HMCN2: variants seen among roughly 807,000 people sequenced by gnomAD.
The protein encoded by HMCN2 is hemicentin 2, also known as hemicentin-2.
Under a neutral mutation model 377.5 loss-of-function variants are expected in HMCN2, and 325 were observed. The observed-to-expected ratio is 0.86, with a 90% CI of 0.79 to 0.94. The LOEUF is 0.94. Among genes scored for constraint, HMCN2 ranks in the 40% least tolerant of loss-of-function variants. HMCN2 has a pLI of 0.00. For missense variants in HMCN2, 4,543 were observed against 4,725.3 expected (o/e 0.96, Z 1.13); for synonymous variants, 2,007 against 2,046.8 (o/e 0.98, Z 0.53).
At chr9:130,411,081 C>T (rs1042687001) in intron 85 of HMCN2, among the ~76,000 whole-genome samples, 7 of 152,198 alleles carry the variant, frequency 4.6e-5, no homozygotes, top group African/African-American at 1.7e-4. Context: ...TGAATTTTTA[C>T]AATGCGAACC....
intron 80 of HMCN2, among the ~76,000 whole-genome samples, chr9:130,404,612 T>C (rs931827529): frequency 1.3e-5 from 2 of 152,254 alleles, no homozygotes; most frequent in African/African-American, 4.8e-5. Context: ...TCTGTGTGTG[T>C]GCGTGTATAT....
At chr9:130,310,281 A>G (rs1386773767) in intron 15 of HMCN2, among the ~76,000 whole-genome samples, 1 of 152,240 alleles carries the variant, frequency 6.6e-6, no homozygotes, top group Non-Finnish European at 1.5e-5. Context: ...GGCTTAAACA[A>G]TAAGTATTTA....
chr9:130,329,438 A>ATT, intron 22 of HMCN2, among the ~76,000 whole-genome samples: 1 of 89,794 alleles, frequency 1.1e-5, no homozygotes, highest in Non-Finnish European at 2.4e-5. Flanking sequence ...GAATAGCCTC[A>ATT]CTTTTTTTTT....
intron 85 of HMCN2, among the ~76,000 whole-genome samples, chr9:130,412,564 TCTC>T (rs1843481083): frequency 2.1e-5 from 1 of 48,676 alleles, no homozygotes; most frequent in Non-Finnish European, 5.0e-5. Flanking sequence ...TTTCTTTCTT[TCTC>T]TTTTTTTTTT....
At chr9:130,322,065 A>C (rs1837881070) in intron 19 of HMCN2, 134 bp downstream of exon 19, 2 of 152,194 alleles carry the variant, frequency 1.3e-5, no homozygotes, top group East Asian at 3.9e-4. Flanking sequence ...TCTCTGTGGG[A>C]AAATTAGGGA....
chr9:130,407,186 G>T (rs1459413250), intron 82 of HMCN2: 1 of 164,154 alleles, frequency 6.1e-6, no homozygotes, highest in East Asian at 1.9e-4. Context: ...GGAGGTGGAG[G>T]TTGCAATGAG....
chr9:130,425,128 C>A lies in HMCN2; in HGVS notation c.13639C>A (p.Gln4547Lys). 1 of 1,547,336 alleles carries A rather than the reference C, an allele frequency of 6.5e-7. No homozygotes were observed. Among genetic ancestry groups the A allele is most frequent in the Non-Finnish European group, 8.7e-7 (1 of 1,145,522 alleles). The change falls in exon 89 of 98, where the codon CAG (glutamine) becomes AAG (lysine). Residue 4547 changes from glutamine (Q) to lysine (K), a missense_variant and splice_region_variant. Around this residue, in one of 5 missense-constraint regions of HMCN2, gnomAD observed 1,155 missense variants for 1,157.7 expected, o/e 1.00. Transcript: ENST00000683500. ...ESLADADLQV[Q>K]DFEEHYVQTG... ...CCTGGCTGACGCAGATCTTCAAGTG[C>A]AGGTCGGGGGTCAAGCCCTGGGGTG...
Position 130,347,591 on chromosome 9 carries a change from G to A in HMCN2, c.4024+231G>A, listed in dbSNP as rs1839453552. ...GTGCCAGTGACAGGGAGGGCTTGAG[G>A]GGGCTGGGAGAGTGGCAGGTTGCAC... On this transcript the variant is annotated intron_variant, in intron 26 of 97. Coordinates refer to ENST00000683500, the MANE Select transcript of HMCN2 (RefSeq NM_001291815.2). This position sits in a 1 kb window ranked among gnomAD's most constrained non-coding sequence, Gnocchi z 5.1. Among the ~76,000 whole-genome samples, 1 of 152,176 alleles carries A rather than the reference G, an allele frequency of 6.6e-6. No homozygotes were observed. The highest frequency in any genetic ancestry group is 2.1e-4 in the South Asian group (1 of 4,828).
chr9:130,297,240 AC>A (rs1836218623), intron 7 of HMCN2, among the ~76,000 whole-genome samples: 2 of 152,126 alleles, frequency 1.3e-5, no homozygotes, highest in African/African-American at 4.8e-5. Flanking sequence ...GCAGTGCCTT[AC>A]TCCAAAGGAA....
intron 62 of HMCN2, among the ~76,000 whole-genome samples, chr9:130,389,597 C>T (rs769756360): frequency 9.4e-5 from 14 of 149,090 alleles, no homozygotes; most frequent in African/African-American, 2.0e-4. Flanking sequence ...TTTTTTGAGA[C>T]GGGGTCTCGC....
Position 130,428,211 on chromosome 9 carries a change from A to G in HMCN2, c.14066-147A>G, listed in dbSNP as rs1433995476. ...TGGGATAGGGAGCAAGACAATGGAA[A>G]GAGCTAGCAGAAGGGGTGGGGACCT... On this transcript the variant is annotated intron_variant, in intron 92 of 97. Transcript: ENST00000683500. This position sits in a 1 kb window ranked among gnomAD's most constrained non-coding sequence, Gnocchi z 5.0. The G allele has an allele frequency of 4.4e-6, 4 of 915,996 alleles. No homozygotes were observed. Among genetic ancestry groups the G allele is most frequent in the Non-Finnish European group, 6.2e-6 (4 of 644,472 alleles). 56.7% of individuals were successfully genotyped at this position (915,996 alleles called of 1,614,324 possible).
At position 130,422,416 on chromosome 9, in the gene HMCN2, C is replaced by T. The variant is rs1307323946; in HGVS notation, c.13232-161C>T. Among the ~76,000 whole-genome samples, 1 of 152,172 alleles carries T rather than the reference C, an allele frequency of 6.6e-6. No homozygotes were observed. Among genetic ancestry groups the T allele is most frequent in the Non-Finnish European group, 1.5e-5 (1 of 68,028 alleles). On this transcript the variant is annotated intron_variant, in intron 86 of 97. Coordinates refer to ENST00000683500, the MANE Select transcript of HMCN2 (RefSeq NM_001291815.2). The surrounding 1 kb of genome is among the most constrained non-coding windows in gnomAD (Gnocchi z 4.2). ...CCTTTTAGAGCCAAGATCCCCTGGG[C>T]GTTGAGTCCATGACCCCTTAGCTGT...
At chr9:130,420,564 A>T (rs1843949910) in intron 86 of HMCN2, among the ~76,000 whole-genome samples, 1 of 152,142 alleles carries the variant, frequency 6.6e-6, no homozygotes, top group East Asian at 1.9e-4. Flanking sequence ...CAAATCCAGG[A>T]TCACACTGTC....
At chr9:130,333,853 G>T (rs1350948790) in intron 22 of HMCN2, among the ~76,000 whole-genome samples, 2 of 152,222 alleles carry the variant, frequency 1.3e-5, no homozygotes, top group Non-Finnish European at 2.9e-5. Context: ...CATGCGCAGG[G>T]TCATGATAAG....
At position 130,266,150 on chromosome 9, in the gene HMCN2, C is replaced by T. The variant is rs1834082825; in HGVS notation, c.259+13C>T. On this transcript the variant is annotated intron_variant, in intron 1 of 97. Transcript: ENST00000683500. ...TTCCACGACCCAGGTAGCGCCCCCG[C>T]ACCCCCGCCCGCCGGGCGCCCCCTT... The T allele has an allele frequency of 2.2e-6, 1 of 460,764 alleles. No individual in the cohort carries two copies. The highest frequency in any genetic ancestry group is 4.4e-6 in the Non-Finnish European group (1 of 225,786). 28.5% of individuals were successfully genotyped at this position (460,764 alleles called of 1,614,324 possible). A position where few individuals can be genotyped will look rare whatever the true frequency, so the allele number is the denominator to read the frequency against.
chr9:130,279,034 A>G (rs1258157371), intron 1 of HMCN2, among the ~76,000 whole-genome samples: 1 of 150,864 alleles, frequency 6.6e-6, no homozygotes, highest in Non-Finnish European at 1.5e-5. Context: ...AGTAGCTGGG[A>G]TTACAGGCAT....
intron 60 of HMCN2, 109 bp from the exon 61 acceptor site, chr9:130,386,334 T>A: frequency 2.0e-6 from 1 of 495,600 alleles, no homozygotes. Context: ...ACCAGCATAT[T>A]TGGGAGGCCC....
At position 130,379,368 on chromosome 9, in the gene HMCN2, T is replaced by TAC. The variant is rs1841572701; in HGVS notation, c.8333_8334dup (p.Leu2779ThrfsTer71). 1.0e-6 allele frequency: 1 copy of TAC among 985,632 alleles called. No homozygotes were observed. The highest frequency in any genetic ancestry group is 6.2e-5 in the Admixed American group (1 of 16,254). 61.1% of individuals were successfully genotyped at this position (985,632 alleles called of 1,614,324 possible). Reference sequence around the variant, plus strand: ...GGAGATCGTGGAGAACAACCCAGCCTACCTGTACTGCGACACCAACGCGAT... The same window carrying TAC: ...GGAGATCGTGGAGAACAACCCAGCCTACACCTGTACTGCGACACCAACGCGAT... On this transcript the variant is annotated frameshift_variant, in exon 54 of 98. Coordinates refer to ENST00000683500, the MANE Select transcript of HMCN2 (RefSeq NM_001291815.2). LOFTEE classifies it high-confidence loss of function.
chr9:130,431,627 C>G, intron 96 of HMCN2, 141 bp downstream of exon 96: 1 of 1,273,224 alleles, frequency 7.9e-7, no homozygotes, highest in Non-Finnish European at 1.1e-6. Context: ...GAGGCAGGCT[C>G]AGAGGGGTTC....
Sources: gnomAD v4.1 joint callset for allele counts (sites outside exome capture counted in the v4.1 genomes callset) on GRCh38, gnomAD v4.1.1 for gene constraint, gnomAD v4.1.1 regional missense constraint, Gnocchi (gnomAD v3.1) non-coding constraint, MANE v1.5 for transcripts, NCBI Gene and HGNC (gene_info 2026-07-23, HGNC 2026-07-21) for gene names.